TMEM161B: variants seen among roughly 807,000 people sequenced by gnomAD.
The protein encoded by TMEM161B is transmembrane protein 161B.
A neutral mutation model predicts 61.8 loss-of-function variants in TMEM161B; 34 were observed. That is an observed-to-expected ratio of 0.55 (90% CI 0.42 to 0.73). TMEM161B has a LOEUF of 0.73. Ranked by LOEUF, TMEM161B falls within the 30% of genes least tolerant of loss-of-function variation. The pLI, the probability that TMEM161B is intolerant of heterozygous loss-of-function variation, is 0.00. For missense variants in TMEM161B, 456 were observed against 558.5 expected (o/e 0.82, Z 1.85); for synonymous variants, 167 against 192.8 (o/e 0.87, Z 1.11).
At chr5:88,225,029 G>C (rs1460087531) in intron 4 of TMEM161B, among the ~76,000 whole-genome samples, 1 of 143,046 alleles carries the variant, frequency 7.0e-6, no homozygotes, top group Admixed American at 7.3e-5. Flanking sequence ...GTGCGGTGGT[G>C]CGATCTCGGC....
intron 5 of TMEM161B, among the ~76,000 whole-genome samples, chr5:88,212,988 CTAAG>C (rs1259657011): frequency 6.6e-6 from 1 of 152,174 alleles, no homozygotes; most frequent in African/African-American, 2.4e-5. Flanking sequence ...TTCCACTCAA[CTAAG>C]TGATTTTTAT....
At chr5:88,262,800 T>G (rs1375266318) in intron 1 of TMEM161B, among the ~76,000 whole-genome samples, 2 of 152,042 alleles carry the variant, frequency 1.3e-5, no homozygotes, top group Non-Finnish European at 2.9e-5. Context: ...TGGTGAAGGA[T>G]GTTGATAATA....
chr5:88,262,923 T>C (rs1755863941), intron 1 of TMEM161B, among the ~76,000 whole-genome samples: 1 of 152,156 alleles, frequency 6.6e-6, no homozygotes, highest in South Asian at 2.1e-4. Context: ...AAAAAAATTT[T>C]AATGCAACAC....
chr5:88,262,690 G>A (rs1481679493), intron 1 of TMEM161B, among the ~76,000 whole-genome samples: 1 of 152,038 alleles, frequency 6.6e-6, no homozygotes, highest in African/African-American at 2.4e-5. Context: ...CAAACCCATA[G>A]AATGTACAAC....
At chr5:88,224,155 C>A (rs1482566068) in intron 4 of TMEM161B, among the ~76,000 whole-genome samples, 1 of 152,072 alleles carries the variant, frequency 6.6e-6, no homozygotes, top group Non-Finnish European at 1.5e-5. Context: ...ATGACATTAT[C>A]AAAATTATTT....
intron 5 of TMEM161B, among the ~76,000 whole-genome samples, chr5:88,211,066 C>T (rs1261172152): frequency 6.6e-6 from 1 of 151,794 alleles, no homozygotes; most frequent in Non-Finnish European, 1.5e-5. Context: ...AGGCTGCAAC[C>T]CAGATACTGC....
intron 1 of TMEM161B, among the ~76,000 whole-genome samples, chr5:88,248,929 T>C (rs1753972446): frequency 6.6e-6 from 1 of 152,120 alleles, no homozygotes; most frequent in South Asian, 2.1e-4. Flanking sequence ...TTTTAAGCCT[T>C]CTTTTTTTTC....
intron 2 of TMEM161B, among the ~76,000 whole-genome samples, chr5:88,239,304 G>A (rs1580619706): frequency 6.6e-6 from 1 of 151,896 alleles, no homozygotes; most frequent in African/African-American, 2.4e-5. Flanking sequence ...AAGGAGATAA[G>A]GAAGTGACAT....
intron 10 of TMEM161B, chr5:88,198,285 T>G (rs1375122832): frequency 6.6e-6 from 1 of 151,862 alleles, no homozygotes; most frequent in Non-Finnish European, 1.5e-5. Context: ...TGCCCCTAAC[T>G]ATGGAGGTGA....
chr5:88,248,057 G>C (rs779845840), intron 1 of TMEM161B, among the ~76,000 whole-genome samples: 6 of 152,098 alleles, frequency 3.9e-5, no homozygotes, highest in Non-Finnish European at 8.8e-5. Flanking sequence ...CATGAGTCAA[G>C]ACACAGTGGA....
rs1750417557 is a variant in TMEM161B, at chr5:88,228,414, TTTA to T, written c.191+28_191+30del. ...GTATTTATATAAATTGTGTTAAATA[TTTA>T]TTACTTTACAAGCTCAATAAAACTT... On this transcript the variant is annotated intron_variant, in intron 3 of 11. Transcript: ENST00000296595. 35 of 1,437,730 alleles carry T rather than the reference TTTA, an allele frequency of 2.4e-5. No individual in the cohort carries two copies. In the East Asian group the frequency reaches 8.0e-4, roughly 33 times the overall value. 89.1% of individuals were successfully genotyped at this position (1,437,730 alleles called of 1,614,324 possible).
chr5:88,257,101 A>G (rs1020174212), intron 1 of TMEM161B, among the ~76,000 whole-genome samples: 1 of 152,022 alleles, frequency 6.6e-6, no homozygotes, highest in Non-Finnish European at 1.5e-5. Flanking sequence ...AAACCTCCTC[A>G]CTAGTAAAAA....
intron 1 of TMEM161B, among the ~76,000 whole-genome samples, chr5:88,255,518 T>C (rs1754873031): frequency 6.6e-6 from 1 of 152,230 alleles, no homozygotes; most frequent in Non-Finnish European, 1.5e-5. Flanking sequence ...ATGAAATTGC[T>C]AATACTTAAT....
intron 5 of TMEM161B, 59 bp downstream of exon 5, chr5:88,220,504 T>A: frequency 7.8e-7 from 1 of 1,287,558 alleles, no homozygotes; most frequent in Non-Finnish European, 1.0e-6. Context: ...AAATCAGAGA[T>A]GAGATCTAAT....
chr5:88,230,388 G>T (rs532428573), intron 2 of TMEM161B, among the ~76,000 whole-genome samples: 1 of 152,258 alleles, frequency 6.6e-6, no homozygotes. Flanking sequence ...TTGGCCATCA[G>T]CTATTAATTG....
intron 2 of TMEM161B, among the ~76,000 whole-genome samples, chr5:88,235,711 G>A (rs146914462): frequency 6.6e-6 from 1 of 152,234 alleles, no homozygotes; most frequent in Non-Finnish European, 1.5e-5. Context: ...ATGGTACTTT[G>A]TAATAGCAGC....
chr5:88,196,420 T>A lies in TMEM161B; in HGVS notation c.1255A>T (p.Asn419Tyr). ...GATGGTAATTCAGAGTAAACAGAATTGGACAGTAGACTATTATCCACTGGT... is the reference window on the plus strand; with the variant it reads ...GATGGTAATTCAGAGTAAACAGAATAGGACAGTAGACTATTATCCACTGGT... ...TLPVDNSLLS[N>Y]SVYSELPSAE... is the part of the protein sequence containing the mutation. Residue 419 changes from asparagine (N) to tyrosine (Y), a missense_variant, in exon 12 of 12, where the codon AAT becomes TAT. Physicochemically the swap from Asn to Tyr is moderately radical, Grantham distance 143. This residue lies in a region of TMEM161B where 367 missense variants were observed against 427.3 expected (regional missense o/e 0.86). Transcript: ENST00000296595. The A allele has an allele frequency of 2.5e-6, 4 of 1,613,338 alleles. No individual in the cohort carries two copies. The highest frequency in any genetic ancestry group is 3.4e-6 in the Non-Finnish European group (4 of 1,179,508).
At chr5:88,202,783 A>G in intron 9 of TMEM161B, 179 bp downstream of exon 9, 1 of 629,064 alleles carries the variant, frequency 1.6e-6, no homozygotes, top group East Asian at 2.9e-5. Flanking sequence ...ACTAATAAAG[A>G]TCACAAAAAT....
chr5:88,257,535 A>C (rs1381785710), intron 1 of TMEM161B, among the ~76,000 whole-genome samples: 3 of 152,220 alleles, frequency 2.0e-5, no homozygotes, highest in African/African-American at 7.2e-5. Context: ...CTACACAGCA[A>C]TTAGAAAAGC....
Sources: allele counts gnomAD v4.1 joint callset (sites outside exome capture counted in the v4.1 genomes callset), GRCh38; gene constraint gnomAD v4.1.1; regional missense constraint gnomAD v4.1.1; transcripts MANE v1.5; gene names NCBI Gene and HGNC (gene_info 2026-07-23, HGNC 2026-07-21).